IARS1: variants seen among roughly 807,000 people sequenced by gnomAD.
IARS1 encodes isoleucyl-tRNA synthetase 1, also known as isoleucine--tRNA ligase, cytoplasmic.
IARS1 carries 124 observed loss-of-function variants against 168.2 expected under a neutral mutation model. The observed-to-expected ratio is 0.74, with a 90% CI of 0.64 to 0.86. The LOEUF (loss-of-function observed/expected upper bound fraction) is 0.86. Ranked by LOEUF, IARS1 falls within the 40% of genes least tolerant of loss-of-function variation. The pLI, the probability that IARS1 is intolerant of heterozygous loss-of-function variation, is 0.00. For synonymous variants in IARS1, 532 were observed against 529.4 expected (o/e 1.00, Z -0.07); for missense variants, 1,452 against 1,515.8 (o/e 0.96, Z 0.70).
chr9:92,274,972 C>T (rs781606820), intron 9 of IARS1, among the ~76,000 whole-genome samples: 1 of 152,220 alleles, frequency 6.6e-6, no homozygotes, highest in Non-Finnish European at 1.5e-5. Context: ...TTGAAAGGAA[C>T]AGGTGGGAGC....
intron 31 of IARS1, among the ~76,000 whole-genome samples, chr9:92,226,873 C>T (rs1189166158): frequency 4.2e-5 from 6 of 143,296 alleles, no homozygotes; most frequent in Non-Finnish European, 7.6e-5. Context: ...GGCAGGGTCA[C>T]AGGACAATAG....
At chr9:92,240,280 T>C (rs1215511160) in intron 30 of IARS1, 1 of 186,270 alleles carries the variant, frequency 5.4e-6, no homozygotes, top group Admixed American at 5.6e-5. Flanking sequence ...TTTTTTTTTT[T>C]GGTGAGACAG....
chr9:92,287,931 T>G (rs1835708399), intron 3 of IARS1, 21 bp from the exon 4 acceptor site: 1 of 1,613,332 alleles, frequency 6.2e-7, no homozygotes, highest in Non-Finnish European at 8.5e-7. Flanking sequence ...GTGATAAGAC[T>G]GTTACCACGC....
intron 8 of IARS1, 48 bp downstream of exon 8, chr9:92,278,151 C>G (rs1247382185): frequency 8.3e-7 from 1 of 1,207,474 alleles, no homozygotes; most frequent in Non-Finnish European, 1.2e-6. Context: ...TAAAGACACA[C>G]ATACAGACAC....
At chr9:92,246,405 A>C (rs1036681937) in intron 26 of IARS1, among the ~76,000 whole-genome samples, 8 of 152,134 alleles carry the variant, frequency 5.3e-5, no homozygotes, top group Non-Finnish European at 8.8e-5. Context: ...CACTCAGACC[A>C]TGTATGATTC....
At chr9:92,214,545 C>A (rs570289992) in intron 33 of IARS1, among the ~76,000 whole-genome samples, 473 of 151,492 alleles carry the variant, frequency 3.1e-3, no homozygotes, top group Non-Finnish European at 5.4e-3. Context: ...AGACAGTGGG[C>A]GCAGGTCAGT....
intron 30 of IARS1, among the ~76,000 whole-genome samples, chr9:92,236,838 T>A (rs1354792583): frequency 2.0e-5 from 3 of 152,218 alleles, no homozygotes; most frequent in African/African-American, 7.2e-5. Flanking sequence ...GCGACAAGCA[T>A]CCAAGTTGTC....
intron 1 of IARS1, among the ~76,000 whole-genome samples, chr9:92,290,837 T>C (rs1046657194): frequency 6.6e-6 from 1 of 152,176 alleles, no homozygotes; most frequent in Non-Finnish European, 1.5e-5. Context: ...TTTTCTTACC[T>C]ACACTCACAT....
intron 22 of IARS1, chr9:92,251,173 C>G (rs201333463): frequency 2.0e-4 from 91 of 464,208 alleles, no homozygotes; most frequent in South Asian, 1.3e-3. Flanking sequence ...GGGGAAAATA[C>G]CCCCTGCTTC....
At chr9:92,276,610 CCA>C (rs1440074115) in intron 9 of IARS1, among the ~76,000 whole-genome samples, 3 of 152,146 alleles carry the variant, frequency 2.0e-5, no homozygotes, top group African/African-American at 7.2e-5. Context: ...AGGGCCCAAA[CCA>C]CAGAGGTCTC....
intron 20 of IARS1, chr9:92,253,747 A>G (rs1410833468): frequency 1.5e-5 from 8 of 516,200 alleles, no homozygotes; most frequent in Non-Finnish European, 3.0e-5. Flanking sequence ...TCAAAGTCCA[A>G]GACTGCCCAC....
chr9:92,221,160 C>A (rs1587701451), intron 33 of IARS1, among the ~76,000 whole-genome samples: 1 of 151,808 alleles, frequency 6.6e-6, no homozygotes, highest in Non-Finnish European at 1.5e-5. Flanking sequence ...CCAAAATTAT[C>A]CAGAATGTAG....
intron 31 of IARS1, among the ~76,000 whole-genome samples, chr9:92,228,141 C>T (rs551340562): frequency 6.6e-6 from 1 of 152,258 alleles, no homozygotes; most frequent in Admixed American, 6.5e-5. Context: ...GGAGACCAGC[C>T]CGATGGCCAC....
At chr9:92,274,215 A>G (rs932871063) in intron 10 of IARS1, among the ~76,000 whole-genome samples, 6 of 152,132 alleles carry the variant, frequency 3.9e-5, no homozygotes, top group African/African-American at 7.2e-5. Context: ...CTGCACACCA[A>G]AAAGAGTTTA....
At position 92,249,949 on chromosome 9, in the gene IARS1, GA is replaced by G; in HGVS notation, c.2533-9del. On this transcript the variant is annotated splice_polypyrimidine_tract_variant and intron_variant, in intron 24 of 33. Transcript: ENST00000443024. Reference sequence around the variant, plus strand: ...AATTTCTTTCAAAGGATACTAGGAGGAAAAGGGAGGGGAAAGTTCACTCAGC... The same window carrying G: ...AATTTCTTTCAAAGGATACTAGGAGGAAAGGGAGGGGAAAGTTCACTCAGC... 2.6e-6 allele frequency: 4 copies of G among 1,535,878 alleles called. No homozygotes were observed. Among genetic ancestry groups the G allele is most frequent in the Admixed American group, 1.7e-5 (1 of 58,804 alleles).
intron 3 of IARS1, 106 bp from the exon 4 acceptor site, chr9:92,288,016 A>G: frequency 1.3e-6 from 2 of 1,526,206 alleles, no homozygotes; most frequent in South Asian, 2.3e-5. Flanking sequence ...TATAGAAATG[A>G]ACTAGAAGGT....
At chr9:92,293,256 C>A (rs1462184247) in intron 1 of IARS1, among the ~76,000 whole-genome samples, 1 of 152,086 alleles carries the variant, frequency 6.6e-6, no homozygotes, top group African/African-American at 2.4e-5. Context: ...TAACTGAAAA[C>A]AATCTAAATA....
chr9:92,267,922 C>T (rs1832513668), intron 14 of IARS1, among the ~76,000 whole-genome samples: 1 of 151,818 alleles, frequency 6.6e-6, no homozygotes, highest in Non-Finnish European at 1.5e-5. Flanking sequence ...TGTGTATTTC[C>T]CTGAGAAAAC....
At chr9:92,273,430 G>C (rs550606601) in intron 10 of IARS1, among the ~76,000 whole-genome samples, 3 of 152,160 alleles carry the variant, frequency 2.0e-5, no homozygotes, top group African/African-American at 7.2e-5. Flanking sequence ...AAAGACATGA[G>C]GATGAGGATT....
Sources: allele counts gnomAD v4.1 joint callset (sites outside exome capture counted in the v4.1 genomes callset), GRCh38; gene constraint gnomAD v4.1.1; transcripts MANE v1.5; gene names NCBI Gene and HGNC (gene_info 2026-07-23, HGNC 2026-07-21).